Variants in NELL1 observed in about 807,000 individuals in gnomAD.
NELL1 encodes protein kinase C-binding protein NELL1.
NELL1 carries 76 observed loss-of-function variants against 107.4 expected under a neutral mutation model. That is an observed-to-expected ratio of 0.71 (90% confidence interval 0.59 to 0.86). The LOEUF is 0.86. NELL1 is among the 40% of genes least tolerant of loss of function. The probability of loss-of-function intolerance (pLI) is 0.00; values close to 1 mark genes in which losing one functional copy is unlikely to be tolerated. For missense variants in NELL1, 1,024 were observed against 1,005.5 expected, an observed-to-expected ratio of 1.02 and a Z score of -0.25; for synonymous variants, 353 against 341.2, an observed-to-expected ratio of 1.03 and a Z score of -0.38.
chr11:21,547,826 T>C (rs749568423), intron 16 of NELL1, among the ~76,000 whole-genome samples: 18 of 151,916 alleles, frequency 1.2e-4, no homozygotes, highest in Non-Finnish European at 2.1e-4. Flanking sequence ...GCTTTATAGA[T>C]AGACAAACTG....
At chr11:20,913,342 A>T (rs1850174332) in intron 5 of NELL1, among the ~76,000 whole-genome samples, 1 of 152,162 alleles carries the variant, frequency 6.6e-6, no homozygotes, top group South Asian at 2.1e-4. Context: ...GGGAAATAAG[A>T]GCGTTAAAAA....
chr11:20,994,348 T>A (rs1852043688), intron 12 of NELL1, among the ~76,000 whole-genome samples: 1 of 152,238 alleles, frequency 6.6e-6, no homozygotes. Context: ...ATTTGATGAA[T>A]CTTATGTTAG....
rs779964637 is a variant in NELL1, at chr11:21,284,422, A to G, written c.1549+54968A>G. Reference sequence around the variant, plus strand: ...CCTTCCAGCTGGCCCAGAAGATGGGATGCAAAAAAGTGATGGCTGTGCACA... The same window carrying G: ...CCTTCCAGCTGGCCCAGAAGATGGGGTGCAAAAAAGTGATGGCTGTGCACA... On this transcript the variant is annotated intron_variant, in intron 14 of 19. Transcript: ENST00000357134. 2.4e-5 allele frequency: 11 copies of G among 457,598 alleles called. No individual in the cohort carries two copies. The East Asian group carries it at 6.3e-4, about 26-fold the overall frequency. 28.3% of individuals were successfully genotyped at this position (457,598 alleles called of 1,614,324 possible). A position where few individuals can be genotyped will look rare whatever the true frequency, so the allele number is the denominator to read the frequency against.
At chr11:21,224,124 A>G (rs944103669) in intron 13 of NELL1, among the ~76,000 whole-genome samples, 4 of 152,276 alleles carry the variant, frequency 2.6e-5, no homozygotes, top group Non-Finnish European at 4.4e-5. Context: ...AAGTTTGACT[A>G]TAATGTGCCT....
chr11:20,756,681 G>C (rs933099326), intron 2 of NELL1, among the ~76,000 whole-genome samples: 1 of 47,614 alleles, frequency 2.1e-5, no homozygotes, highest in Non-Finnish European at 4.9e-5. Flanking sequence ...TTTTTGATGG[G>C]GTCTATCTTA....
chr11:20,718,279 TGA>T (rs1855299779), intron 2 of NELL1, among the ~76,000 whole-genome samples: 2 of 152,306 alleles, frequency 1.3e-5, no homozygotes, highest in South Asian at 4.1e-4. Context: ...CTAGTGCAAC[TGA>T]GAAGCTGGAT....
chr11:21,467,756 G>A (rs564253925), intron 15 of NELL1, among the ~76,000 whole-genome samples: 83 of 152,078 alleles, frequency 5.5e-4, no homozygotes, highest in African/African-American at 1.8e-3. Context: ...CAAAGTGCTC[G>A]TAACAGGGAG....
intron 14 of NELL1, among the ~76,000 whole-genome samples, chr11:21,332,078 A>G (rs1417243376): frequency 6.6e-6 from 1 of 152,004 alleles, no homozygotes; most frequent in Non-Finnish European, 1.5e-5. Context: ...TCTCTATTGA[A>G]TTACTCAAGT....
intron 4 of NELL1, among the ~76,000 whole-genome samples, chr11:20,857,949 G>A (rs1165261065): frequency 6.6e-6 from 1 of 152,198 alleles, no homozygotes; most frequent in Admixed American, 6.5e-5. Context: ...TGATAAAGAT[G>A]CAGTTAGTAA....
intron 15 of NELL1, among the ~76,000 whole-genome samples, chr11:21,380,867 G>C (rs907428301): frequency 6.6e-6 from 1 of 152,038 alleles, no homozygotes; most frequent in African/African-American, 2.4e-5. Flanking sequence ...AAAGAGTACT[G>C]TATTGATGAT....
intron 9 of NELL1, among the ~76,000 whole-genome samples, chr11:20,935,252 A>G (rs1305057619): frequency 6.6e-6 from 1 of 152,184 alleles, no homozygotes; most frequent in Non-Finnish European, 1.5e-5. Flanking sequence ...GGTTCAAAGT[A>G]CAATAGAATA....
At chr11:20,889,465 A>G (rs1800910806) in intron 5 of NELL1, among the ~76,000 whole-genome samples, 1 of 152,208 alleles carries the variant, frequency 6.6e-6, no homozygotes, top group South Asian at 2.1e-4. Flanking sequence ...TAACCAATAG[A>G]TCTTCATTTA....
chr11:20,781,731 G>T (rs1289231237), intron 2 of NELL1, among the ~76,000 whole-genome samples: 8 of 152,118 alleles, frequency 5.3e-5, no homozygotes, highest in Admixed American at 1.3e-4. Context: ...GATGATCTTT[G>T]CTTAGAAGTA....
chr11:21,445,490 C>T (rs1853402811), intron 15 of NELL1, among the ~76,000 whole-genome samples: 2 of 151,966 alleles, frequency 1.3e-5, no homozygotes, highest in Non-Finnish European at 2.9e-5. Context: ...CCATGCCTGG[C>T]TAATTTTGTA....
At chr11:21,247,414 G>A (rs914662827) in intron 14 of NELL1, among the ~76,000 whole-genome samples, 4 of 151,808 alleles carry the variant, frequency 2.6e-5, no homozygotes, top group African/African-American at 7.3e-5. Flanking sequence ...ATAAGCTTTT[G>A]TCTATTTTTA....
intron 15 of NELL1, among the ~76,000 whole-genome samples, chr11:21,505,663 G>T (rs1855261333): frequency 6.6e-6 from 1 of 152,100 alleles, no homozygotes; most frequent in African/African-American, 2.4e-5. Flanking sequence ...AATTCGACTT[G>T]CTTTTCAAGG....
intron 16 of NELL1, among the ~76,000 whole-genome samples, chr11:21,538,411 T>C (rs1190056111): frequency 6.6e-6 from 1 of 152,142 alleles, no homozygotes; most frequent in Non-Finnish European, 1.5e-5. Context: ...TAACATATGA[T>C]TGAAGAAATG....
In NELL1 at chr11:21,147,861, A is replaced by AAAAAG. The variant is rs1554973455; in HGVS notation, c.1426+34159_1426+34163dup. Among the ~76,000 whole-genome samples the AAAAAG allele has an allele frequency of 1.9e-3, 281 of 147,078 alleles. 1 individual carries two copies. Among genetic ancestry groups the AAAAAG allele is most frequent in the Non-Finnish European group, 2.5e-3 (168 of 66,810 alleles). Reference sequence around the variant, plus strand: ...CAAAAAAAAAAAAAAAAAAAAAAAAAAAAAGAAAAGAAAAGATATCTTTTT... The same window carrying AAAAAG: ...CAAAAAAAAAAAAAAAAAAAAAAAAAAAAAGAAAAGAAAAGAAAAGATATCTTTTT... On this transcript the variant is annotated intron_variant, in intron 13 of 19. Coordinates refer to ENST00000357134, the MANE Select transcript of NELL1 (RefSeq NM_006157.5).
intron 12 of NELL1, among the ~76,000 whole-genome samples, chr11:21,046,579 A>T (rs2134340473): frequency 6.6e-6 from 1 of 152,336 alleles, no homozygotes; most frequent in East Asian, 1.9e-4. Flanking sequence ...TTAAAACAGT[A>T]ATACTTAGGA....
Sources: gnomAD v4.1 joint callset for allele counts (sites outside exome capture counted in the v4.1 genomes callset) on GRCh38, gnomAD v4.1.1 for gene constraint, MANE v1.5 for transcripts, NCBI Gene and HGNC (gene_info 2026-07-23, HGNC 2026-07-21) for gene names.